The following TMEM178B variants were observed in gnomAD, a reference collection of about 807,000 sequenced individuals.
The protein encoded by TMEM178B is transmembrane protein 178B.
TMEM178B carries 5 observed loss-of-function variants against 31.0 expected under a neutral mutation model. The observed-to-expected ratio is 0.16, with a 90% CI of 0.08 to 0.34. The LOEUF (loss-of-function observed/expected upper bound fraction) is 0.34. TMEM178B is among the 10% of genes least tolerant of loss of function. The pLI is 1.00. For missense variants in TMEM178B, 275 were observed against 400.3 expected, an observed-to-expected ratio of 0.69 and a Z score of 2.67; for synonymous variants, 164 against 164.0, an observed-to-expected ratio of 1.00 and a Z score of 0.00.
intron 2 of TMEM178B, among the ~76,000 whole-genome samples, chr7:141,334,744 T>G (rs1799354868): frequency 6.6e-6 from 1 of 152,238 alleles, no homozygotes; most frequent in Non-Finnish European, 1.5e-5. Flanking sequence ...CTGAGCCATG[T>G]GTATGCCATG....
intron 2 of TMEM178B, among the ~76,000 whole-genome samples, chr7:141,364,659 CAAAAAAAAAAA>C (rs980786132): frequency 8.4e-5 from 4 of 47,694 alleles, no homozygotes; most frequent in East Asian, 9.0e-4. Context: ...GACTCTGTCT[CAAAAAAAAAAA>C]AAAAAAAAAA....
intron 3 of TMEM178B, among the ~76,000 whole-genome samples, chr7:141,455,250 C>T (rs546781570): frequency 1.3e-5 from 2 of 152,284 alleles, no homozygotes; most frequent in South Asian, 4.1e-4. Context: ...AAGTTGTGTA[C>T]AGGTTGTGAT....
intron 1 of TMEM178B, among the ~76,000 whole-genome samples, chr7:141,177,042 A>G (rs1373625987): frequency 1.3e-5 from 2 of 151,964 alleles, no homozygotes; most frequent in Admixed American, 6.5e-5. Context: ...TTGTGATGTT[A>G]GGGTTTCGAT....
At chr7:141,451,495 G>T (rs1801862116) in intron 3 of TMEM178B, among the ~76,000 whole-genome samples, 1 of 152,148 alleles carries the variant, frequency 6.6e-6, no homozygotes, top group East Asian at 1.9e-4. Context: ...AAATCTATTT[G>T]ATTCTGAAGC....
intron 2 of TMEM178B, among the ~76,000 whole-genome samples, chr7:141,251,700 C>A (rs1478840799): frequency 6.6e-6 from 1 of 152,174 alleles, no homozygotes; most frequent in African/African-American, 2.4e-5. Flanking sequence ...ACTTTATCCA[C>A]CCCGCATTGT....
intron 1 of TMEM178B, among the ~76,000 whole-genome samples, chr7:141,143,229 A>G (rs964646060): frequency 6.6e-6 from 1 of 152,166 alleles, no homozygotes; most frequent in Non-Finnish European, 1.5e-5. Flanking sequence ...ATTAGGTCCC[A>G]CTTGTGAATA....
chr7:141,265,307 T>G (rs563043095), intron 2 of TMEM178B, among the ~76,000 whole-genome samples: 1 of 151,992 alleles, frequency 6.6e-6, no homozygotes, highest in South Asian at 2.1e-4. Flanking sequence ...GGGGCCATGA[T>G]GATGGGGTGG....
chr7:141,167,227 G>A (rs987140266), intron 1 of TMEM178B, among the ~76,000 whole-genome samples: 9 of 152,148 alleles, frequency 5.9e-5, no homozygotes, highest in Admixed American at 1.3e-4. Context: ...AGAGTTGCCC[G>A]TGAGTACTAC....
chr7:141,254,940 T>C (rs1797901026), intron 2 of TMEM178B, among the ~76,000 whole-genome samples: 2 of 152,194 alleles, frequency 1.3e-5, no homozygotes, highest in Non-Finnish European at 2.9e-5. Flanking sequence ...AATTTTTCAC[T>C]TCACAATCTG....
the TMEM178B span, among the ~76,000 whole-genome samples, chr7:141,509,127 A>G: frequency 2.0e-5 from 3 of 152,344 alleles, no homozygotes; most frequent in African/African-American, 4.8e-5. Context: ...ATTCATAGAC[A>G]TGCCATTGTG....
At chr7:141,124,364 CTAAAAAAAAAA>C (rs920141438) in intron 1 of TMEM178B, among the ~76,000 whole-genome samples, 2 of 151,102 alleles carry the variant, frequency 1.3e-5, no homozygotes, top group African/African-American at 4.9e-5. Flanking sequence ...GAGACTCTGA[CTAAAAAAAAAA>C]TAGAAAAAAA....
At chr7:141,345,466 G>A (rs767754851) in intron 2 of TMEM178B, among the ~76,000 whole-genome samples, 16 of 152,136 alleles carry the variant, frequency 1.1e-4, no homozygotes, top group Non-Finnish European at 2.2e-4. Context: ...TATAGTACTA[G>A]TCTCTTTCTT....
intron 2 of TMEM178B, among the ~76,000 whole-genome samples, chr7:141,260,216 A>C (rs1365251391): frequency 6.6e-6 from 1 of 151,980 alleles, no homozygotes; most frequent in African/African-American, 2.4e-5. Flanking sequence ...AGTATACTCC[A>C]AATCAAGCCA....
chr7:141,338,232 G>A (rs1272020581), intron 2 of TMEM178B, among the ~76,000 whole-genome samples: 1 of 152,184 alleles, frequency 6.6e-6, no homozygotes, highest in Admixed American at 6.5e-5. Context: ...TAGAATTTTG[G>A]TCATGATGTA....
At chr7:141,148,931 G>A (rs1795905318) in intron 1 of TMEM178B, among the ~76,000 whole-genome samples, 1 of 152,324 alleles carries the variant, frequency 6.6e-6, no homozygotes, top group East Asian at 1.9e-4. Flanking sequence ...CTAGTGAAAA[G>A]GCCCTCACTT....
intron 1 of TMEM178B, among the ~76,000 whole-genome samples, chr7:141,145,035 T>C (rs1370439534): frequency 2.0e-5 from 3 of 152,172 alleles, no homozygotes; most frequent in African/African-American, 7.2e-5. Flanking sequence ...TAATTACTTT[T>C]CTGAGGAAAT....
At chr7:141,417,828 C>T (rs116166009) in intron 2 of TMEM178B, among the ~76,000 whole-genome samples, 1,820 of 152,286 alleles carry the variant, frequency 0.012, 50 homozygotes, top group African/African-American at 0.042. Flanking sequence ...GTATAATTCT[C>T]ATAACAATCT....
At chr7:141,295,909 C>G (rs1247422774) in intron 2 of TMEM178B, among the ~76,000 whole-genome samples, 1 of 152,178 alleles carries the variant, frequency 6.6e-6, no homozygotes, top group Non-Finnish European at 1.5e-5. Flanking sequence ...CCTCCCAATG[C>G]TAATGGTGTC....
chr7:141,334,987 T>A (rs1173270639), intron 2 of TMEM178B, among the ~76,000 whole-genome samples: 1 of 152,180 alleles, frequency 6.6e-6, no homozygotes, highest in African/African-American at 2.4e-5. Context: ...GGATCTTTTG[T>A]TTCACCTTTA....
Sources: allele counts gnomAD v4.1 joint callset (sites outside exome capture counted in the v4.1 genomes callset), GRCh38; gene constraint gnomAD v4.1.1; transcripts MANE v1.5; gene names NCBI Gene and HGNC (gene_info 2026-07-23, HGNC 2026-07-21).